Variants in UBR2 observed in about 807,000 individuals in gnomAD.
The protein encoded by UBR2 is ubiquitin protein ligase E3 component n-recognin 2.
UBR2 carries 92 observed loss-of-function variants against 247.9 expected under a neutral mutation model. The observed-to-expected ratio is 0.37, with a 90% CI of 0.31 to 0.44. The LOEUF (loss-of-function observed/expected upper bound fraction) is 0.44. UBR2 is among the 20% of genes least tolerant of loss of function. The pLI, the probability that UBR2 is intolerant of heterozygous loss-of-function variation, is 1.00. For missense variants in UBR2, 1,613 were observed against 2,112.6 expected, an observed-to-expected ratio of 0.76 and a Z score of 4.64; for synonymous variants, 672 against 693.5, an observed-to-expected ratio of 0.97 and a Z score of 0.49.
chr6:42,646,820 T>G (rs78873167), intron 21 of UBR2, among the ~76,000 whole-genome samples: 31,166 of 146,420 alleles, frequency 0.21, 4,098 homozygotes, highest in African/African-American at 0.36. Context: ...TATATATATA[T>G]AGAGAGAGAG....
At chr6:42,580,594 CA>C (rs1236223503) in intron 2 of UBR2, among the ~76,000 whole-genome samples, 2 of 151,772 alleles carry the variant, frequency 1.3e-5, no homozygotes, top group African/African-American at 4.8e-5. Flanking sequence ...GGCTGGAGTG[CA>C]GGGGCACGAT....
At chr6:42,564,881 G>T (rs1431003707) in intron 1 of UBR2, among the ~76,000 whole-genome samples, 1 of 152,142 alleles carries the variant, frequency 6.6e-6, no homozygotes, top group African/African-American at 2.4e-5. Flanking sequence ...GACTGCCCCA[G>T]GCACCAAGAA....
chr6:42,681,034 G>A (rs1226651099), intron 42 of UBR2, among the ~76,000 whole-genome samples: 1 of 151,986 alleles, frequency 6.6e-6, no homozygotes, highest in East Asian at 1.9e-4. Context: ...GTGTTGGTAG[G>A]TGCCTGTAAT....
At chr6:42,567,760 G>A (rs941978160) in intron 1 of UBR2, among the ~76,000 whole-genome samples, 1 of 152,136 alleles carries the variant, frequency 6.6e-6, no homozygotes, top group African/African-American at 2.4e-5. Flanking sequence ...TACAGGTTGG[G>A]AGCACTGGCT....
chr6:42,593,589 G>A (rs1005783066), intron 3 of UBR2, among the ~76,000 whole-genome samples: 2 of 151,958 alleles, frequency 1.3e-5, no homozygotes, highest in African/African-American at 4.8e-5. Context: ...TTAAATCATT[G>A]CCCTGTCTTA....
chr6:42,569,065 C>A lies in UBR2; in HGVS notation c.78+4668C>A, dbSNP rs148760562. Among the ~76,000 whole-genome samples the A allele has an allele frequency of 4.5e-3, 679 of 152,274 alleles. 4 individuals are homozygous for A. The highest frequency in any genetic ancestry group is 0.016 in the African/African-American group (655 of 41,548). Reference sequence around the variant, plus strand: ...ATAAACCATATATTATTTATCTGTTCATCAGTTGGTGAATATTTGGGTTGT... The same window carrying A: ...ATAAACCATATATTATTTATCTGTTAATCAGTTGGTGAATATTTGGGTTGT... On this transcript the variant is annotated intron_variant, in intron 1 of 46. Transcript: ENST00000372901.
chr6:42,615,851 G>C (rs1199409504), intron 9 of UBR2, 151 bp from the exon 10 acceptor site: 2 of 492,850 alleles, frequency 4.1e-6, no homozygotes, highest in Non-Finnish European at 7.0e-6. Flanking sequence ...GTGAGCCCAG[G>C]AGTTAAGACC....
At chr6:42,669,275 G>A (rs1254353947) in intron 34 of UBR2, among the ~76,000 whole-genome samples, 1 of 152,076 alleles carries the variant, frequency 6.6e-6, no homozygotes, top group Non-Finnish European at 1.5e-5. Context: ...TATCTCTTCA[G>A]TGTTCCGAAA....
At chr6:42,640,358 T>G in intron 16 of UBR2, 88 bp downstream of exon 16, 1 of 1,133,668 alleles carries the variant, frequency 8.8e-7, no homozygotes, top group Non-Finnish European at 1.3e-6. Context: ...TTAGTTTGGG[T>G]TCTCCAGAGG....
intron 8 of UBR2, among the ~76,000 whole-genome samples, chr6:42,614,424 A>ACATATACG (rs1554250467): frequency 2.3e-5 from 2 of 87,822 alleles, no homozygotes; most frequent in Non-Finnish European, 4.6e-5. Flanking sequence ...ACGTACGTAC[A>ACATATACG]TATATATGTA....
At chr6:42,638,432 G>A (rs1206919241) in intron 15 of UBR2, among the ~76,000 whole-genome samples, 1 of 151,810 alleles carries the variant, frequency 6.6e-6, no homozygotes, top group African/African-American at 2.4e-5. Context: ...GTATATTATT[G>A]AAGTCATGGT....
chr6:42,616,194 G>A, intron 10 of UBR2, 104 bp downstream of exon 10: 1 of 636,138 alleles, frequency 1.6e-6, no homozygotes, highest in Non-Finnish European at 2.6e-6. Context: ...ATATGTCAAT[G>A]TGTTGATATT....
At chr6:42,623,641 G>A (rs1188902874) in intron 11 of UBR2, among the ~76,000 whole-genome samples, 4 of 152,152 alleles carry the variant, frequency 2.6e-5, no homozygotes, top group South Asian at 4.2e-4. Context: ...TAGTAGAGAC[G>A]GGGTTTCACC....
intron 25 of UBR2, among the ~76,000 whole-genome samples, chr6:42,653,273 C>T (rs903925204): frequency 2.6e-5 from 4 of 152,062 alleles, no homozygotes; most frequent in Non-Finnish European, 4.4e-5. Context: ...TTGGTAGAAA[C>T]AGTTTTGCCA....
intron 17 of UBR2, 22 bp from the exon 18 acceptor site, chr6:42,642,394 A>G (rs981569591): frequency 6.5e-7 from 1 of 1,533,198 alleles, no homozygotes. Context: ...TATTTACTCA[A>G]TATAATTACT....
chr6:42,590,249 A>G (rs1213871348), intron 2 of UBR2, among the ~76,000 whole-genome samples: 1 of 152,258 alleles, frequency 6.6e-6, no homozygotes, highest in Non-Finnish European at 1.5e-5. Context: ...ACAAATCACT[A>G]AGATCTCAGG....
At chr6:42,568,246 T>G (rs1790898939) in intron 1 of UBR2, among the ~76,000 whole-genome samples, 1 of 152,152 alleles carries the variant, frequency 6.6e-6, no homozygotes, top group Admixed American at 6.5e-5. Context: ...TGGGACATTT[T>G]TATCACCCCA....
chr6:42,622,441 C>T lies in UBR2; in HGVS notation c.1281+4934C>T, dbSNP rs1301345335. 2.7e-5 allele frequency among the ~76,000 whole-genome samples: 4 copies of T among 146,488 alleles called. No individual in the cohort carries two copies. In the South Asian group the frequency reaches 8.6e-4, roughly 31 times the overall value. Reference sequence around the variant, plus strand: ...TTTTGAGACAGAACCTCACTCTGTTCCCCACGCTGGAGTGCAGTGGTGCAA... The same window carrying T: ...TTTTGAGACAGAACCTCACTCTGTTTCCCACGCTGGAGTGCAGTGGTGCAA... On this transcript the variant is annotated intron_variant, in intron 11 of 46. Coordinates refer to ENST00000372901, the MANE Select transcript of UBR2 (RefSeq NM_001363705.2).
rs534954241 is a variant in UBR2, at chr6:42,630,476, C to T, written c.1282-2076C>T. On this transcript the variant is annotated intron_variant, in intron 11 of 46. Transcript: ENST00000372901. ...GGGATAACAGGCATAAGCCACTGCA[C>T]CCAGCCTATTTTTTTTTTTTGATAC... 9.2e-5 allele frequency among the ~76,000 whole-genome samples: 14 copies of T among 151,760 alleles called. No homozygotes were observed. In the South Asian group the frequency reaches 2.7e-3, roughly 29 times the overall value.
Sources: allele counts gnomAD v4.1 joint callset (sites outside exome capture counted in the v4.1 genomes callset), GRCh38; gene constraint gnomAD v4.1.1; transcripts MANE v1.5; gene names NCBI Gene and HGNC (gene_info 2026-07-23, HGNC 2026-07-21).